The following OSGEP variants were observed in gnomAD, a reference collection of about 807,000 sequenced individuals.
OSGEP encodes the protein tRNA N6-adenosine threonylcarbamoyltransferase.
In OSGEP, 39 loss-of-function variants were observed where a neutral mutation model predicts 44.1. That is an observed-to-expected ratio of 0.88 (90% CI 0.69 to 1.16). The LOEUF (loss-of-function observed/expected upper bound fraction) is 1.16. OSGEP is among the 50% of genes most tolerant of loss of function. The probability of loss-of-function intolerance (pLI) is 0.00; values close to 1 mark genes in which losing one functional copy is unlikely to be tolerated. For synonymous variants in OSGEP, 139 were observed against 161.9 expected (o/e 0.86, Z 1.07); for missense variants, 403 against 443.1 (o/e 0.91, Z 0.81).
intron 5 of OSGEP, 21 bp from the exon 6 acceptor site, chr14:20,448,832 G>A (rs1041351974): frequency 2.5e-6 from 4 of 1,598,710 alleles, no homozygotes; most frequent in African/African-American, 1.3e-5. Flanking sequence ...ATAAGCGTAC[G>A]AGGCACTAAG....
At position 20,454,703 on chromosome 14, in the gene OSGEP, C is replaced by A. The variant is rs1274358185; in HGVS notation, c.-20G>T. The A allele has an allele frequency of 6.4e-7, 1 of 1,571,458 alleles. No individual in the cohort carries two copies. Among genetic ancestry groups the A allele is most frequent in the Non-Finnish European group, 8.8e-7 (1 of 1,142,432 alleles). On this transcript the variant is annotated 5_prime_UTR_variant, in exon 1 of 11. Coordinates refer to ENST00000206542, the MANE Select transcript of OSGEP (RefSeq NM_017807.4). ...CGGCATGGCGGAGGCTGGGAGAAAA[C>A]GCCGACAGGACTCCTGGCAATGTCA...
At chr14:20,452,549 T>C (rs2139294636) in intron 1 of OSGEP, 101 bp from the exon 2 acceptor site, 1 of 1,099,814 alleles carries the variant, frequency 9.1e-7, no homozygotes, top group African/African-American at 1.6e-5. Context: ...GTAGTAAGAG[T>C]CCTTTCACTT....
rs1192333389 is a variant in OSGEP, at chr14:20,447,263, C to T, written c.985G>A (p.Val329Ile). The T allele has an allele frequency of 1.2e-6, 2 of 1,614,166 alleles. No homozygotes were observed. The highest frequency in any genetic ancestry group is 1.7e-6 in the Non-Finnish European group (2 of 1,179,974). ...TATTAGTCCCTCCAGGTCACCTCTA[C>T]TTCATCTGTCCGATACCTGTGGAAA... is the stretch of plus-strand genomic sequence containing the variant. Reference protein sequence around the residue: ...GVTQRYRTDEVEVTWRD With the variant: ...GVTQRYRTDEIEVTWRD Residue 329 changes from valine to isoleucine, a missense_variant, in exon 11 of 11, where the codon GTA becomes ATA. Transcript: ENST00000206542.
chr14:20,453,424 T>C (rs917995898), intron 1 of OSGEP, among the ~76,000 whole-genome samples: 5 of 151,900 alleles, frequency 3.3e-5, no homozygotes, highest in African/African-American at 9.7e-5. Context: ...TGGAGTGCAA[T>C]GGCACCATCT....
Position 20,454,575 on chromosome 14 carries a change from CAGGAGGCG to C in OSGEP, c.101_108del (p.Thr34ArgfsTer8). ...AAGTCCCCTACTCACCAACCTGTGC[CAGGAGGCG>C]TGACGTAAGTCCGCCGCGGGTTCGC... On this transcript the variant is annotated frameshift_variant, in exon 1 of 11. Coordinates refer to ENST00000206542, the MANE Select transcript of OSGEP (RefSeq NM_017807.4). LOFTEE classifies it high-confidence loss of function. 2 of 1,611,682 alleles carry C rather than the reference CAGGAGGCG, an allele frequency of 1.2e-6. No homozygotes were observed. The highest frequency in any genetic ancestry group is 1.7e-6 in the Non-Finnish European group (2 of 1,177,726).
At chr14:20,452,697 C>G (rs1187973283) in intron 1 of OSGEP, among the ~76,000 whole-genome samples, 3 of 147,336 alleles carry the variant, frequency 2.0e-5, no homozygotes, top group Admixed American at 7.0e-5. Context: ...TACCTCATAC[C>G]CTTTCGTGAT....
chr14:20,447,917 C>G lies in OSGEP; in HGVS notation c.780G>C (p.Val260=). 1 of 1,611,022 alleles carries G rather than the reference C, an allele frequency of 6.2e-7. No individual in the cohort carries two copies. Among genetic ancestry groups the G allele is most frequent in the Non-Finnish European group, 8.5e-7 (1 of 1,177,162 alleles). The change falls in exon 8 of 11, where the codon GTG becomes GTC. Residue 260 remains valine, a synonymous_variant. Coordinates refer to ENST00000206542, the MANE Select transcript of OSGEP (RefSeq NM_017807.4). The part of the protein sequence containing the change: ...AHCGSQEALI[V]GGVGCNVRLQ... ...AATAATACATACACCCCACTCCTCC[C>G]ACAATGAGGGCCTCCTGGGAGCCAC...
chr14:20,453,901 C>T (rs1881180943), intron 1 of OSGEP, among the ~76,000 whole-genome samples: 1 of 151,860 alleles, frequency 6.6e-6, no homozygotes, highest in Admixed American at 6.6e-5. Context: ...CACCTATAGT[C>T]CTAGCTACTT....
In OSGEP at chr14:20,454,806, T is replaced by A. The variant is rs916931000; in HGVS notation, c.-123A>T. The A allele has an allele frequency of 8.6e-6, 6 of 693,782 alleles. No homozygotes were observed. In the African/African-American group the frequency reaches 1.1e-4, roughly 12 times the overall value. The allele number at this position is 693,782 out of a possible 1,614,324, so 43.0% of individuals were successfully genotyped here. On this transcript the variant is annotated 5_prime_UTR_variant, in exon 1 of 11. Coordinates refer to ENST00000206542, the MANE Select transcript of OSGEP (RefSeq NM_017807.4). ...CAGAGGAAGCTGGCCAGCCTGCAGA[T>A]AGCACTGGGAAAGACACCGCGGAAC... is the stretch of plus-strand genomic sequence containing the variant.
At chr14:20,452,696 C>T (rs1881133722) in intron 1 of OSGEP, among the ~76,000 whole-genome samples, 1 of 147,740 alleles carries the variant, frequency 6.8e-6, no homozygotes, top group South Asian at 2.1e-4. Flanking sequence ...CTACCTCATA[C>T]CCTTTCGTGA....
At position 20,447,274 on chromosome 14, in the gene OSGEP, C is replaced by T. The variant is rs753237335; in HGVS notation, c.974G>A (p.Arg325Gln). ...LSDSGVTQRY[R>Q]TDEVEVTWRD ...CCAGGTCACCTCTACTTCATCTGTC[C>T]GATACCTGTGGAAAAACAGAAGAAA... Residue 325 changes from arginine to glutamine, a missense_variant, in exon 11 of 11, where the codon CGG (arginine) becomes CAG (glutamine). Arg to Gln is a conservative substitution (Grantham distance 43, BLOSUM62 1). Transcript: ENST00000206542. The T allele has an allele frequency of 6.8e-6, 11 of 1,613,958 alleles. No homozygotes were observed. Among genetic ancestry groups the T allele is most frequent in the East Asian group, 2.2e-5 (1 of 44,892 alleles).
At chr14:20,448,635 T>A (rs1881019831) in intron 6 of OSGEP, 98 bp downstream of exon 6, 1 of 834,602 alleles carries the variant, frequency 1.2e-6, no homozygotes, top group Non-Finnish European at 2.0e-6. Context: ...CTGTGCTACA[T>A]GAATATACTG....
rs545594605 is a variant in OSGEP at position 20,447,415 on chromosome 14, C to T, written c.968+7G>A. On this transcript the variant is annotated splice_region_variant and intron_variant, in intron 10 of 10. Coordinates refer to ENST00000206542, the MANE Select transcript of OSGEP (RefSeq NM_017807.4). ...AATCTACCCTCACCAAGAGGTGAAT[C>T]ACTCACCTCTGTGTAACCCCAGAAT... 1.0e-4 allele frequency: 162 copies of T among 1,603,888 alleles called. No homozygotes were observed. The highest frequency in any genetic ancestry group is 1.3e-4 in the Non-Finnish European group (156 of 1,170,672).
chr14:20,448,865 C>A (rs1293452031), intron 5 of OSGEP, 54 bp from the exon 6 acceptor site: 4 of 1,585,986 alleles, frequency 2.5e-6, no homozygotes, highest in Non-Finnish European at 3.5e-6. Flanking sequence ...TGGCTTCTCA[C>A]CCTCCAAAGC....
At chr14:20,447,382 G>A (rs774674058) in intron 10 of OSGEP, 40 bp downstream of exon 10, 3 of 1,602,892 alleles carry the variant, frequency 1.9e-6, no homozygotes, top group South Asian at 2.2e-5. Context: ...TTTTGTCTAT[G>A]TCCCAATAAT....
chr14:20,452,165 T>C lies in OSGEP; in HGVS notation c.236-16A>G. On this transcript the variant is annotated splice_polypyrimidine_tract_variant and intron_variant, in intron 2 of 10. Transcript: ENST00000206542. Reference sequence around the variant, plus strand: ...ATGCCAGGGCCTAGGGAGATAGAAATGGAAGTTATAATCCTAGAGATTGGA... The same window carrying C: ...ATGCCAGGGCCTAGGGAGATAGAAACGGAAGTTATAATCCTAGAGATTGGA... 2 of 1,597,916 alleles carry C rather than the reference T, an allele frequency of 1.3e-6. No homozygotes were observed. The highest frequency in any genetic ancestry group is 1.7e-6 in the Non-Finnish European group (2 of 1,171,798).
At position 20,452,382 on chromosome 14, in the gene OSGEP, A is replaced by G. The variant is rs1319722595; in HGVS notation, c.182T>C (p.Leu61Pro). Residue 61 changes from leucine (L) to proline (P), a missense_variant, in exon 2 of 11, where the codon CTA becomes CCA. Physicochemically the swap from Leu to Pro is moderately conservative, Grantham distance 98. Coordinates refer to ENST00000206542, the MANE Select transcript of OSGEP (RefSeq NM_017807.4). ...CTGGGAGGTTAATCCAGACTCTGTT[A>G]GTGCCTCCTGCAGCAGGTCTAGGAT... ...AVILDLLQEALTESGLTSQDI... is the reference protein window; with the variant it reads ...AVILDLLQEAPTESGLTSQDI... 1.2e-6 allele frequency: 2 copies of G among 1,613,926 alleles called. No individual in the cohort carries two copies. The highest frequency in any genetic ancestry group is 1.7e-6 in the Non-Finnish European group (2 of 1,179,860).
chr14:20,449,053 G>A, intron 4 of OSGEP, 40 bp from the exon 5 acceptor site: 2 of 1,571,812 alleles, frequency 1.3e-6, no homozygotes, highest in South Asian at 2.2e-5. Flanking sequence ...GAATGGAAGA[G>A]GATGAAATCA....
chr14:20,452,892 T>C (rs761246671), intron 1 of OSGEP, among the ~76,000 whole-genome samples: 2 of 152,034 alleles, frequency 1.3e-5, no homozygotes, highest in African/African-American at 4.8e-5. Context: ...GTATTTTTAG[T>C]AGAGACGGGG....
Sources: allele counts gnomAD v4.1 joint callset (sites outside exome capture counted in the v4.1 genomes callset), GRCh38; gene constraint gnomAD v4.1.1; transcripts MANE v1.5; gene names NCBI Gene and HGNC (gene_info 2026-07-23, HGNC 2026-07-21).